The following MCFD2 variants were observed in gnomAD, a reference collection of about 807,000 sequenced individuals.
MCFD2 encodes multiple coagulation factor deficiency 2, ER cargo receptor complex subunit, also known as multiple coagulation factor deficiency protein 2.
A neutral mutation model predicts 12.8 loss-of-function variants in MCFD2; 11 were observed. The ratio of observed to expected loss-of-function variants is 0.86; its 90% CI spans 0.54 to 1.42. The LOEUF is 1.42. Among genes scored for constraint, MCFD2 ranks in the 40% most tolerant of loss-of-function variants. MCFD2 has a pLI of 0.00. For synonymous variants in MCFD2, 70 were observed against 68.1 expected, an observed-to-expected ratio of 1.03 and a Z score of -0.14; for missense variants, 191 against 178.6, an observed-to-expected ratio of 1.07 and a Z score of -0.40.
Position 46,904,366 on chromosome 2 carries a change from C to T in MCFD2, c.*1097G>A, listed in dbSNP as rs1240745437. ...TCCTCCAGACCCCAGAATGGTAGAT[C>T]CACCAACAGCTTGCACCGTGCACCT... On this transcript the variant is annotated 3_prime_UTR_variant, in exon 4 of 4. Transcript: ENST00000319466. The T allele has an allele frequency of 2.6e-5, 4 of 156,208 alleles. No individual in the cohort carries two copies. The East Asian group carries it at 7.5e-4, about 29-fold the overall frequency. The allele number at this position is 156,208 out of a possible 1,614,324, so 9.7% of individuals were successfully genotyped here. A position where few individuals can be genotyped will look rare whatever the true frequency, so the allele number is the denominator to read the frequency against.
chr2:46,928,171 C>T (rs772388465), intron 1 of MCFD2, among the ~76,000 whole-genome samples: 4 of 151,876 alleles, frequency 2.6e-5, no homozygotes, highest in Non-Finnish European at 4.4e-5. Flanking sequence ...GGATTACAGG[C>T]GTGAGTCATT....
rs560777699 is a variant in MCFD2, at chr2:46,941,838, C to G, written c.-274G>C. On this transcript the variant is annotated 5_prime_UTR_variant, in exon 1 of 3. Coordinates refer to the MCFD2 transcript ENST00000409147. This position sits in a 1 kb window ranked among gnomAD's most constrained non-coding sequence, Gnocchi z 4.2. ...CGACAGCGGGCGCCTGCCAGCCCAC[C>G]GTGCTAGTCTTAAGAGCAGCCAGGG... 7.4e-5 allele frequency: 101 copies of G among 1,372,778 alleles called. 1 individual carries two copies. Among genetic ancestry groups the G allele is most frequent in the Middle Eastern group, 2.5e-4 (1 of 3,994 alleles). The allele number at this position is 1,372,778 out of a possible 1,614,324, so 85.0% of individuals were successfully genotyped here. A position where few individuals can be genotyped will look rare whatever the true frequency, so the allele number is the denominator to read the frequency against.
At chr2:46,929,512 T>C (rs747255793) in intron 1 of MCFD2, among the ~76,000 whole-genome samples, 3 of 152,050 alleles carry the variant, frequency 2.0e-5, no homozygotes, top group Non-Finnish European at 4.4e-5. Context: ...AAGAAATAAA[T>C]AGCTCTTCTA....
chr2:46,928,286 A>C (rs1669504853), intron 1 of MCFD2, among the ~76,000 whole-genome samples: 2 of 151,822 alleles, frequency 1.3e-5, no homozygotes, highest in Non-Finnish European at 2.9e-5. Flanking sequence ...GTAGATCAGA[A>C]ATCTAGGCAG....
intron 1 of MCFD2, among the ~76,000 whole-genome samples, chr2:46,911,245 A>G (rs907523006): frequency 1.9e-4 from 29 of 152,184 alleles, no homozygotes; most frequent in Non-Finnish European, 3.1e-4. Flanking sequence ...CTCCTGCCTC[A>G]GCCTCCCGAG....
chr2:46,918,432 C>G (rs978709368), upstream of MCFD2, among the ~76,000 whole-genome samples: 1 of 152,208 alleles, frequency 6.6e-6, no homozygotes, highest in African/African-American at 2.4e-5. Context: ...AACTGACCGT[C>G]CTGCTTCCAT....
At position 46,940,465 on chromosome 2, in the gene MCFD2, C is replaced by T. The variant is rs1462038806; in HGVS notation, c.-8+1107G>A. 6.6e-6 allele frequency among the ~76,000 whole-genome samples: 1 copy of T among 152,174 alleles called. No individual in the cohort carries two copies. Among genetic ancestry groups the T allele is most frequent in the Non-Finnish European group, 1.5e-5 (1 of 68,034 alleles). On this transcript the variant is annotated intron_variant, in intron 1 of 2. Transcript: ENST00000409147. This position sits in a 1 kb window ranked among gnomAD's most constrained non-coding sequence, Gnocchi z 4.7. ...CTCGGCTGCCCCCGCTAGGCCCCGC[C>T]CCGTAGTCCTGTGAACTTCTGGGCA... is the stretch of plus-strand genomic sequence containing the variant.
chr2:46,909,041 T>C lies in MCFD2; in HGVS notation c.131A>G (p.Asn44Ser), dbSNP rs534474434. The C allele has an allele frequency of 1.1e-5, 17 of 1,614,168 alleles. No individual in the cohort carries two copies. In the East Asian group the frequency reaches 3.6e-4, roughly 34 times the overall value. The change falls in exon 2 of 4, where the codon AAC becomes AGC. Residue 44 changes from asparagine to serine, a missense_variant. Physicochemically the swap from Asn to Ser is conservative, Grantham distance 46. Coordinates refer to ENST00000319466, the MANE Select transcript of MCFD2 (RefSeq NM_139279.6). ...SQPGSMGLDK[N>S]TVHDQEHIME... Reference sequence around the variant, plus strand: ...TACGTACTCTTGGTCGTGCACTGTGTTCTTATCCAGGCCCATGCTGCCGGG... The same window carrying C: ...TACGTACTCTTGGTCGTGCACTGTGCTCTTATCCAGGCCCATGCTGCCGGG...
At chr2:46,938,566 C>T (rs58589709) in intron 1 of MCFD2, among the ~76,000 whole-genome samples, 11,137 of 152,122 alleles carry the variant, frequency 0.073, 767 homozygotes, top group African/African-American at 0.17. Context: ...TCCTTCTAGT[C>T]CCTGAGGCCC....
At position 46,941,119 on chromosome 2, in the gene MCFD2, G is replaced by A. The variant is rs1368887306; in HGVS notation, c.-8+453C>T. The A allele has an allele frequency of 2.0e-5, 3 of 148,392 alleles. No homozygotes were observed. The highest frequency in any genetic ancestry group is 7.3e-5 in the African/African-American group (3 of 40,936). The allele number at this position is 148,392 out of a possible 1,614,324, so 9.2% of individuals were successfully genotyped here. A position where few individuals can be genotyped will look rare whatever the true frequency, so the allele number is the denominator to read the frequency against. On this transcript the variant is annotated intron_variant, in intron 1 of 2. Transcript: ENST00000409147. This position sits in a 1 kb window ranked among gnomAD's most constrained non-coding sequence, Gnocchi z 4.2. ...CCTGGCTGCTGTGGCCGCGCTGGCA[G>A]CCAGCGAGCCCGGCTCGCCGAGGCC...
At chr2:46,927,244 GAGTGA>G (rs1387604000) in intron 1 of MCFD2, among the ~76,000 whole-genome samples, 1 of 150,996 alleles carries the variant, frequency 6.6e-6, no homozygotes, top group African/African-American at 2.4e-5. Flanking sequence ...GGATCAAAAA[GAGTGA>G]CAAATCCCAA....
intron 1 of MCFD2, chr2:46,913,742 G>C (rs953059408): frequency 6.6e-6 from 1 of 152,374 alleles, no homozygotes; most frequent in East Asian, 1.9e-4. Context: ...TCCTGGGAGG[G>C]CAGTGCTGGA....
intron 1 of MCFD2, among the ~76,000 whole-genome samples, chr2:46,910,472 G>T (rs560493236): frequency 7.9e-5 from 12 of 152,178 alleles, no homozygotes; most frequent in Non-Finnish European, 1.2e-4. Context: ...ACCAGCAGTG[G>T]TAAAGACAAA....
At chr2:46,926,699 A>G (rs1031649352) in intron 1 of MCFD2, among the ~76,000 whole-genome samples, 2 of 152,234 alleles carry the variant, frequency 1.3e-5, no homozygotes, top group African/African-American at 4.8e-5. Flanking sequence ...GATTTCTACA[A>G]TAATTTTTCA....
At chr2:46,913,376 CCTCT>C (rs1485422222) in intron 1 of MCFD2, among the ~76,000 whole-genome samples, 1 of 151,610 alleles carries the variant, frequency 6.6e-6, no homozygotes, top group Non-Finnish European at 1.5e-5. Context: ...GGTGAGACTC[CCTCT>C]CTAATTAGAA....
At chr2:46,922,437 A>AT (rs568302793) in intron 1 of MCFD2, among the ~76,000 whole-genome samples, 2 of 151,992 alleles carry the variant, frequency 1.3e-5, no homozygotes, top group Admixed American at 6.6e-5. Flanking sequence ...ATTTTTAGTT[A>AT]TTTTTTTAAC....
Position 46,915,703 on chromosome 2 carries a change from G to A in MCFD2, c.-7+20C>T. ...GCGCCGGGATCCCGCCCGCTGCGGA[G>A]AGTGCGCTAGTTCACTCACCCTTAC... is the stretch of plus-strand genomic sequence containing the variant. On this transcript the variant is annotated intron_variant, in intron 1 of 3. Transcript: ENST00000319466. The A allele has an allele frequency of 1.1e-6, 1 of 926,820 alleles. No homozygotes were observed. Among genetic ancestry groups the A allele is most frequent in the Non-Finnish European group, 1.3e-6 (1 of 776,654 alleles). 57.4% of individuals were successfully genotyped at this position (926,820 alleles called of 1,614,324 possible). A position where few individuals can be genotyped will look rare whatever the true frequency, so the allele number is the denominator to read the frequency against.
At chr2:46,920,972 A>T (rs1311869810) in intron 1 of MCFD2, among the ~76,000 whole-genome samples, 1 of 145,468 alleles carries the variant, frequency 6.9e-6, no homozygotes, top group East Asian at 1.9e-4. Flanking sequence ...CCTATTCATG[A>T]TAAAAAAAAA....
At chr2:46,919,750 A>C (rs766487525), upstream of MCFD2, among the ~76,000 whole-genome samples, 1 of 152,218 alleles carries the variant, frequency 6.6e-6, no homozygotes. Flanking sequence ...GCACAAGTAG[A>C]GGAAAAAACA....
Sources: allele counts gnomAD v4.1 joint callset (sites outside exome capture counted in the v4.1 genomes callset), GRCh38; gene constraint gnomAD v4.1.1; non-coding constraint Gnocchi (gnomAD v3.1); transcripts MANE v1.5; gene names NCBI Gene and HGNC (gene_info 2026-07-23, HGNC 2026-07-21).